Variants in KCNH7 observed in about 807,000 individuals in gnomAD.
KCNH7 encodes the protein potassium voltage-gated channel subfamily H member 7.
KCNH7 carries 49 observed loss-of-function variants against 120.8 expected under a neutral mutation model. That is an observed-to-expected ratio of 0.41 (90% CI 0.32 to 0.51). The LOEUF is 0.51. KCNH7 is among the 20% of genes least tolerant of loss of function. KCNH7 has a pLI of 0.38. For synonymous variants in KCNH7, 547 were observed against 516.1 expected, an observed-to-expected ratio of 1.06 and a Z score of -0.81; for missense variants, 1,097 against 1,446.6, an observed-to-expected ratio of 0.76 and a Z score of 3.92.
intron 2 of KCNH7, among the ~76,000 whole-genome samples, chr2:162,753,487 G>A (rs1688680113): frequency 2.0e-5 from 3 of 152,154 alleles, no homozygotes; most frequent in Admixed American, 2.0e-4. Context: ...AAAATTCTGA[G>A]CAGATGGCAA....
intron 2 of KCNH7, among the ~76,000 whole-genome samples, chr2:162,545,621 T>C (rs1057419323): frequency 6.6e-6 from 1 of 152,192 alleles, no homozygotes. Flanking sequence ...TGATTACATA[T>C]CTTGAAGCAA....
intron 2 of KCNH7, among the ~76,000 whole-genome samples, chr2:162,636,296 A>G (rs1260987591): frequency 6.6e-6 from 1 of 152,074 alleles, no homozygotes; most frequent in East Asian, 1.9e-4. Context: ...TTCTTCTGAG[A>G]AAAGATTTGT....
chr2:162,428,872 A>T (rs1273545959), intron 8 of KCNH7, among the ~76,000 whole-genome samples: 2 of 151,330 alleles, frequency 1.3e-5, no homozygotes, highest in Admixed American at 6.6e-5. Context: ...ATTCTTTTTA[A>T]TTTTTTTTAC....
At chr2:162,433,084 G>T (rs934090572) in intron 8 of KCNH7, among the ~76,000 whole-genome samples, 14 of 151,824 alleles carry the variant, frequency 9.2e-5, no homozygotes, top group Admixed American at 6.6e-5. Flanking sequence ...GAGGTGAAAG[G>T]TCTCTACAAG....
chr2:162,573,585 G>T (rs755348686), intron 2 of KCNH7, among the ~76,000 whole-genome samples: 1 of 151,908 alleles, frequency 6.6e-6, no homozygotes, highest in Non-Finnish European at 1.5e-5. Context: ...TAATATACCT[G>T]TAGAGAACAT....
chr2:162,697,217 G>A (rs1446513771), intron 2 of KCNH7, among the ~76,000 whole-genome samples: 1 of 152,100 alleles, frequency 6.6e-6, no homozygotes. Context: ...TGCCAGAGGG[G>A]TGGAACTGAG....
intron 2 of KCNH7, among the ~76,000 whole-genome samples, chr2:162,650,574 C>T (rs185085372): frequency 6.6e-6 from 1 of 152,256 alleles, no homozygotes; most frequent in African/African-American, 2.4e-5. Flanking sequence ...CGCCTAGGTT[C>T]AAATGTCACC....
At chr2:162,469,555 T>C (rs1474886169) in intron 6 of KCNH7, among the ~76,000 whole-genome samples, 4 of 152,206 alleles carry the variant, frequency 2.6e-5, no homozygotes, top group African/African-American at 7.2e-5. Context: ...TTGGAAATGA[T>C]ATGCTTTTTA....
At chr2:162,571,026 G>A (rs1321101475) in intron 2 of KCNH7, among the ~76,000 whole-genome samples, 4 of 151,912 alleles carry the variant, frequency 2.6e-5, no homozygotes, top group Non-Finnish European at 5.9e-5. Flanking sequence ...ATTCAACATA[G>A]TGTTGGAAGT....
At chr2:162,807,401 C>A (rs1172542086) in intron 2 of KCNH7, among the ~76,000 whole-genome samples, 1 of 151,896 alleles carries the variant, frequency 6.6e-6, no homozygotes, top group Non-Finnish European at 1.5e-5. Flanking sequence ...GGTGCCACTG[C>A]CCTCCAGCCT....
At chr2:162,835,052 G>A (rs573475059) in intron 2 of KCNH7, among the ~76,000 whole-genome samples, 20 of 152,154 alleles carry the variant, frequency 1.3e-4, no homozygotes, top group African/African-American at 2.9e-4. Flanking sequence ...AAAGACATGA[G>A]TTACATTTGG....
chr2:162,520,552 G>A (rs949683085), intron 3 of KCNH7, among the ~76,000 whole-genome samples: 1 of 151,712 alleles, frequency 6.6e-6, no homozygotes, highest in Non-Finnish European at 1.5e-5. Flanking sequence ...TTGAGGTCAG[G>A]CATTTGAGAT....
chr2:162,833,854 A>C (rs1221785552), intron 2 of KCNH7, among the ~76,000 whole-genome samples: 1 of 152,152 alleles, frequency 6.6e-6, no homozygotes, highest in Non-Finnish European at 1.5e-5. Flanking sequence ...CTCCAGTAAG[A>C]GCAAATGGAA....
intron 2 of KCNH7, among the ~76,000 whole-genome samples, chr2:162,558,431 C>T (rs1282378195): frequency 1.3e-5 from 2 of 151,568 alleles, no homozygotes; most frequent in African/African-American, 4.9e-5. Flanking sequence ...GCCTCGGCCT[C>T]CCAAAGTGCT....
intron 2 of KCNH7, among the ~76,000 whole-genome samples, chr2:162,725,303 T>G (rs779586593): frequency 4.6e-5 from 7 of 151,476 alleles, no homozygotes; most frequent in Non-Finnish European, 5.9e-5. Context: ...TCTTCCTTAA[T>G]TTTTTTTTGC....
intron 2 of KCNH7, among the ~76,000 whole-genome samples, chr2:162,682,838 C>A (rs570727592): frequency 2.0e-5 from 3 of 151,824 alleles, no homozygotes; most frequent in South Asian, 4.1e-4. Flanking sequence ...TTATATATAA[C>A]CATGGAGAAC....
At chr2:162,649,114 C>A (rs544334019) in intron 2 of KCNH7, among the ~76,000 whole-genome samples, 33 of 152,178 alleles carry the variant, frequency 2.2e-4, no homozygotes, top group South Asian at 6.2e-4. Context: ...CATTAAGACT[C>A]TATTTCCACT....
intron 2 of KCNH7, among the ~76,000 whole-genome samples, chr2:162,810,140 C>A (rs1487650986): frequency 9.2e-5 from 2 of 21,792 alleles, no homozygotes; most frequent in Non-Finnish European, 2.6e-4. Flanking sequence ...TGGTCTGGAT[C>A]TCCTGACCTC....
At chr2:162,804,525 G>A (rs1027566721) in intron 2 of KCNH7, among the ~76,000 whole-genome samples, 4 of 151,818 alleles carry the variant, frequency 2.6e-5, no homozygotes, top group Admixed American at 2.6e-4. Context: ...AACAACCTAG[G>A]AATGTATTTA....
Sources: gnomAD v4.1 joint callset for allele counts (sites outside exome capture counted in the v4.1 genomes callset) on GRCh38, gnomAD v4.1.1 for gene constraint, MANE v1.5 for transcripts, NCBI Gene and HGNC (gene_info 2026-07-23, HGNC 2026-07-21) for gene names.